The following UBE2E2 variants were observed in gnomAD, a reference collection of about 807,000 sequenced individuals.
UBE2E2 encodes ubiquitin conjugating enzyme E2 E2.
A neutral mutation model predicts 24.7 loss-of-function variants in UBE2E2; 6 were observed. That is an observed-to-expected ratio of 0.24 (90% CI 0.13 to 0.48). UBE2E2 has a LOEUF of 0.48. Among genes scored for constraint, UBE2E2 ranks in the 20% least tolerant of loss-of-function variants. The pLI is 0.99. For missense variants in UBE2E2, 169 were observed against 245.0 expected, an observed-to-expected ratio of 0.69 and a Z score of 2.07; for synonymous variants, 104 against 83.6, an observed-to-expected ratio of 1.24 and a Z score of -1.33.
chr3:23,569,192 G>A (rs1696164451), intron 5 of UBE2E2, among the ~76,000 whole-genome samples: 1 of 152,106 alleles, frequency 6.6e-6, no homozygotes. Context: ...GATGAACCTT[G>A]AGAACATGCT....
intron 3 of UBE2E2, among the ~76,000 whole-genome samples, chr3:23,333,822 T>C (rs556484625): frequency 2.6e-5 from 4 of 152,278 alleles, no homozygotes; most frequent in African/African-American, 4.8e-5. Context: ...ATGAGAGATA[T>C]ATTAGTCATC....
At chr3:23,413,643 T>C (rs1697550156) in intron 3 of UBE2E2, among the ~76,000 whole-genome samples, 1 of 152,210 alleles carries the variant, frequency 6.6e-6, no homozygotes, top group Non-Finnish European at 1.5e-5. Context: ...CATCACTTTC[T>C]TGAAGTAAAT....
chr3:23,350,178 G>T (rs1399741548), intron 3 of UBE2E2, among the ~76,000 whole-genome samples: 1 of 152,202 alleles, frequency 6.6e-6, no homozygotes, highest in Non-Finnish European at 1.5e-5. Context: ...TGAGGGTCCT[G>T]TCTGTTAGAA....
At chr3:23,492,959 AATAG>A (rs1436010221) in intron 3 of UBE2E2, among the ~76,000 whole-genome samples, 4 of 152,000 alleles carry the variant, frequency 2.6e-5, no homozygotes, top group Non-Finnish European at 4.4e-5. Context: ...ATAATTATTA[AATAG>A]ATAAATAGTA....
chr3:23,549,105 T>G (rs1695584307), intron 5 of UBE2E2, among the ~76,000 whole-genome samples: 1 of 152,266 alleles, frequency 6.6e-6, no homozygotes, highest in Non-Finnish European at 1.5e-5. Context: ...GAAAATATAT[T>G]AAAGTCCTAT....
At chr3:23,235,951 A>G (rs1255246367) in intron 3 of UBE2E2, among the ~76,000 whole-genome samples, 4 of 152,182 alleles carry the variant, frequency 2.6e-5, no homozygotes, top group African/African-American at 9.7e-5. Context: ...GGAAATATCA[A>G]TTTGAATTGT....
chr3:23,509,181 ATTC>A (rs1252387852), intron 4 of UBE2E2, among the ~76,000 whole-genome samples: 1 of 152,236 alleles, frequency 6.6e-6, no homozygotes, highest in African/African-American at 2.4e-5. Flanking sequence ...TGGAAGAAAT[ATTC>A]TTGTAAAGAG....
intron 3 of UBE2E2, among the ~76,000 whole-genome samples, chr3:23,272,999 G>A (rs1361527876): frequency 6.6e-6 from 1 of 152,076 alleles, no homozygotes; most frequent in Non-Finnish European, 1.5e-5. Context: ...TTGGATAAGG[G>A]CGACTCACAT....
chr3:23,228,023 A>G (rs1474300443), intron 3 of UBE2E2, among the ~76,000 whole-genome samples: 1 of 152,204 alleles, frequency 6.6e-6, no homozygotes, highest in African/African-American at 2.4e-5. Flanking sequence ...GGGGAACTTT[A>G]TGTATAATAG....
At chr3:23,535,823 G>GT (rs1341253622) in intron 5 of UBE2E2, among the ~76,000 whole-genome samples, 2 of 151,786 alleles carry the variant, frequency 1.3e-5, no homozygotes, top group Non-Finnish European at 2.9e-5. Flanking sequence ...AGGCTTCACC[G>GT]TGTTAGCCAG....
intron 3 of UBE2E2, among the ~76,000 whole-genome samples, chr3:23,300,209 C>T (rs1467761502): frequency 6.6e-6 from 1 of 152,070 alleles, no homozygotes; most frequent in Non-Finnish European, 1.5e-5. Context: ...CTGAATACAG[C>T]ACACTGGTGG....
At chr3:23,490,849 T>C (rs1304851514) in intron 3 of UBE2E2, among the ~76,000 whole-genome samples, 1 of 152,250 alleles carries the variant, frequency 6.6e-6, no homozygotes, top group Non-Finnish European at 1.5e-5. Flanking sequence ...GACTTTAAAA[T>C]GATATTTGGT....
In UBE2E2 at chr3:23,225,595, C is replaced by T. The variant is rs143061804; in HGVS notation, c.227+8283C>T. Among the ~76,000 whole-genome samples, 1,261 of 152,284 alleles carry T rather than the reference C, an allele frequency of 8.3e-3. 16 individuals carry two copies. Among genetic ancestry groups the T allele is most frequent in the African/African-American group, 0.028 (1,160 of 41,554 alleles). ...TTGTCTTGATACCCTTGTTGGAAATCAGTGGATCATAAATGTGAAGATTTA... is the reference window on the plus strand; with the variant it reads ...TTGTCTTGATACCCTTGTTGGAAATTAGTGGATCATAAATGTGAAGATTTA... On this transcript the variant is annotated intron_variant, in intron 3 of 5. Coordinates refer to ENST00000396703, the MANE Select transcript of UBE2E2 (RefSeq NM_152653.4).
intron 3 of UBE2E2, among the ~76,000 whole-genome samples, chr3:23,261,369 A>G (rs919183086): frequency 1.3e-5 from 2 of 152,160 alleles, no homozygotes; most frequent in African/African-American, 4.8e-5. Context: ...GGTATATGAC[A>G]TGGTGATTTG....
chr3:23,537,492 G>C (rs1328095860), intron 5 of UBE2E2, among the ~76,000 whole-genome samples: 3 of 152,176 alleles, frequency 2.0e-5, no homozygotes, highest in African/African-American at 7.2e-5. Context: ...CCTCAGCCTT[G>C]TATAGTGATT....
At chr3:23,441,904 T>C (rs139435929) in intron 3 of UBE2E2, among the ~76,000 whole-genome samples, 242 of 152,344 alleles carry the variant, frequency 1.6e-3, no homozygotes, top group African/African-American at 5.4e-3. Flanking sequence ...GTACCACTTA[T>C]ATTCAAAGAC....
At chr3:23,333,878 A>G (rs184968123) in intron 3 of UBE2E2, among the ~76,000 whole-genome samples, 2 of 152,296 alleles carry the variant, frequency 1.3e-5, no homozygotes, top group African/African-American at 4.8e-5. Context: ...AGGTTAGGTA[A>G]CTAGCCTAAG....
intron 3 of UBE2E2, among the ~76,000 whole-genome samples, chr3:23,381,921 A>G (rs1216365950): frequency 6.6e-6 from 1 of 152,164 alleles, no homozygotes; most frequent in African/African-American, 2.4e-5. Context: ...TGGGAGGCGG[A>G]ATGGCTGCTT....
chr3:23,524,861 CACAG>C (rs1412619837), intron 4 of UBE2E2, among the ~76,000 whole-genome samples: 2 of 142,380 alleles, frequency 1.4e-5, no homozygotes, highest in African/African-American at 5.3e-5. Flanking sequence ...CACACAGACA[CACAG>C]ACACACACAC....
Sources: allele counts gnomAD v4.1 joint callset (sites outside exome capture counted in the v4.1 genomes callset), GRCh38; gene constraint gnomAD v4.1.1; transcripts MANE v1.5; gene names NCBI Gene and HGNC (gene_info 2026-07-23, HGNC 2026-07-21).